Variants in SLX4 observed in about 807,000 individuals in gnomAD.
SLX4 encodes the protein SLX4 structure-specific endonuclease subunit, also known as structure-specific endonuclease subunit SLX4.
Under a neutral mutation model 146.2 loss-of-function variants are expected in SLX4, and 112 were observed. The observed-to-expected ratio is 0.77, with a 90% CI of 0.66 to 0.90. SLX4 has a LOEUF of 0.90. Ranked by LOEUF, SLX4 falls within the 40% of genes least tolerant of loss-of-function variation. The pLI, the probability that SLX4 is intolerant of heterozygous loss-of-function variation, is 0.00. For missense variants in SLX4, 2,563 were observed against 2,392.7 expected, an observed-to-expected ratio of 1.07 and a Z score of -1.49; for synonymous variants, 1,061 against 997.7, an observed-to-expected ratio of 1.06 and a Z score of -1.20.
At position 3,608,757 on chromosome 16, in the gene SLX4, C is replaced by A; in HGVS notation, c.208G>T (p.Val70Leu). ...QRVKKHGIKE[V>L]SGERKTQKAA... ...TTTTGTGTCTTCCTTTCTCCTGACA[C>A]TTCCTTGATTCCATGTTTTTTCACC... Residue 70 changes from valine to leucine, a missense_variant, in exon 2 of 15, where the codon GTG (valine) becomes TTG (leucine). Transcript: ENST00000294008. The A allele has an allele frequency of 1.2e-6, 2 of 1,614,222 alleles. No homozygotes were observed. The highest frequency in any genetic ancestry group is 1.7e-6 in the Non-Finnish European group (2 of 1,180,038).
intron 3 of SLX4, among the ~76,000 whole-genome samples, chr16:3,604,264 G>T (rs2040759753): frequency 6.6e-6 from 1 of 150,556 alleles, no homozygotes. Context: ...AAAAGGAAAT[G>T]GGGGACTATT....
intron 5 of SLX4, among the ~76,000 whole-genome samples, chr16:3,600,213 G>A (rs943427486): frequency 6.6e-6 from 1 of 152,190 alleles, no homozygotes; most frequent in African/African-American, 2.4e-5. Context: ...TTGTGTTCCT[G>A]TGAGTCTAAT....
intron 11 of SLX4, among the ~76,000 whole-genome samples, 177 bp from the exon 12 acceptor site, chr16:3,591,487 G>A (rs562577448): frequency 1.3e-5 from 2 of 152,316 alleles, no homozygotes; most frequent in Non-Finnish European, 2.9e-5. Context: ...AGGCCACTTA[G>A]TTCCAGAAAC....
chr16:3,584,670 G>C (rs758898729), intron 13 of SLX4, 99 bp downstream of exon 13: 6 of 929,178 alleles, frequency 6.5e-6, no homozygotes, highest in Non-Finnish European at 1.1e-5. Context: ...CAGACCCAGA[G>C]ACCACACGGG....
intron 3 of SLX4, 82 bp from the exon 4 acceptor site, chr16:3,602,389 A>T: frequency 1.3e-6 from 2 of 1,517,572 alleles, no homozygotes; most frequent in Non-Finnish European, 1.8e-6. Flanking sequence ...CAGCTCCTGC[A>T]GACCATGGGG....
chr16:3,594,632 C>A, intron 9 of SLX4, 33 bp from the exon 10 acceptor site: 1 of 1,613,582 alleles, frequency 6.2e-7, no homozygotes, highest in South Asian at 1.1e-5. Context: ...GCCGTCACCT[C>A]CCCACCTCTG....
At chr16:3,587,331 A>T (rs931173193) in intron 12 of SLX4, among the ~76,000 whole-genome samples, 1 of 152,078 alleles carries the variant, frequency 6.6e-6, no homozygotes, top group Non-Finnish European at 1.5e-5. Flanking sequence ...ACCCGACTCT[A>T]CTAAAAATAC....
At chr16:3,588,731 C>T (rs1218435867) in intron 12 of SLX4, among the ~76,000 whole-genome samples, 1 of 152,112 alleles carries the variant, frequency 6.6e-6, no homozygotes, top group Non-Finnish European at 1.5e-5. Context: ...GAGAAGGGTC[C>T]ACAGATGTGG....
chr16:3,583,345 C>T lies in SLX4; in HGVS notation c.4905G>A (p.Lys1635=). Reference sequence around the variant, plus strand: ...GGGCATGGACCCCTGCCCTTGAAGGCTTGTAGGTCTGGGAGGCGAGGGTCT... The same window carrying T: ...GGGCATGGACCCCTGCCCTTGAAGGTTTGTAGGTCTGGGAGGCGAGGGTCT... ...HCQTLASQTY[K]PSRAGVHAQQ... The change falls in exon 14 of 15, where the codon AAG becomes AAA. Residue 1635 remains lysine (K), a synonymous_variant. Transcript: ENST00000294008. 1 of 1,613,662 alleles carries T rather than the reference C, an allele frequency of 6.2e-7. No individual in the cohort carries two copies. The highest frequency in any genetic ancestry group is 8.5e-7 in the Non-Finnish European group (1 of 1,179,720).
intron 12 of SLX4, among the ~76,000 whole-genome samples, chr16:3,587,306 G>A (rs2040518673): frequency 6.6e-6 from 1 of 152,190 alleles, no homozygotes; most frequent in Non-Finnish European, 1.5e-5. Flanking sequence ...AGACCAGCCT[G>A]ATCAACATGG....
intron 11 of SLX4, among the ~76,000 whole-genome samples, chr16:3,591,827 C>T (rs549026225): frequency 6.6e-6 from 1 of 152,278 alleles, no homozygotes; most frequent in South Asian, 2.1e-4. Context: ...CACTGCCATC[C>T]AGCCTGGGCA....
At position 3,589,539 on chromosome 16, in the gene SLX4, C is replaced by T. The variant is rs17136464; in HGVS notation, c.4099G>A (p.Ala1367Thr). The change falls in exon 12 of 15, where the codon GCC becomes ACC. Residue 1367 changes from alanine to threonine, a missense_variant. Physicochemically the swap from Ala to Thr is moderately conservative, Grantham distance 58. Transcript: ENST00000294008. The surrounding 1 kb of genome is among the most constrained non-coding windows in gnomAD (Gnocchi z 6.2). ...LAPHPISGDR[A>T]HFSRRFLKHS... ...TTCAGGAACCGCCTGCTGAAGTGGG[C>T]GCGGTCCCCTGAGATGGGATGTGGA... is the stretch of plus-strand genomic sequence containing the variant. The T allele has an allele frequency of 7.5e-5, 120 of 1,610,298 alleles. No homozygotes were observed. The African/African-American group carries it at 1.5e-3, about 20-fold the overall frequency.
intron 5 of SLX4, among the ~76,000 whole-genome samples, chr16:3,599,208 A>G (rs1368765355): frequency 2.0e-5 from 3 of 152,196 alleles, no homozygotes; most frequent in Non-Finnish European, 4.4e-5. Context: ...TCCTCCACCA[A>G]GAGAATCCCC....
intron 7 of SLX4, among the ~76,000 whole-genome samples, chr16:3,596,908 C>G (rs549169863): frequency 6.6e-6 from 1 of 151,870 alleles, no homozygotes; most frequent in Non-Finnish European, 1.5e-5. Context: ...CTGCAACTTC[C>G]GCCTCCCCGG....
At chr16:3,600,027 G>A (rs747728998) in intron 5 of SLX4, among the ~76,000 whole-genome samples, 1 of 152,202 alleles carries the variant, frequency 6.6e-6, no homozygotes, top group African/African-American at 2.4e-5. Context: ...TGGTAAAGCA[G>A]TAGTCCCCAA....
At position 3,582,617 on chromosome 16, in the gene SLX4, G is replaced by GC. The variant is rs781479923; in HGVS notation, c.5229dup (p.Gln1744AlafsTer34). ...GTGTCCGCCGCCTGCACGGCTGCCTGCGAGGCACTGACCTCCCCCTCGCCC... is the reference window on the plus strand; with the variant it reads ...GTGTCCGCCGCCTGCACGGCTGCCTGCCGAGGCACTGACCTCCCCCTCGCCC... On this transcript the variant is annotated frameshift_variant, in exon 15 of 15. Transcript: ENST00000294008. LOFTEE classifies it low-confidence loss of function (END_TRUNC). The GC allele has an allele frequency of 1.9e-6, 3 of 1,613,532 alleles. No individual in the cohort carries two copies. The highest frequency in any genetic ancestry group is 2.5e-6 in the Non-Finnish European group (3 of 1,180,038).
intron 4 of SLX4, chr16:3,601,763 C>A: frequency 2.9e-6 from 1 of 340,188 alleles, no homozygotes; most frequent in South Asian, 2.7e-5. Context: ...TCGGCAAATC[C>A]ATCCAGACAG....
intron 8 of SLX4, among the ~76,000 whole-genome samples, 168 bp from the exon 9 acceptor site, chr16:3,595,861 C>T (rs2040646598): frequency 6.6e-6 from 1 of 152,224 alleles, no homozygotes; most frequent in Non-Finnish European, 1.5e-5. Context: ...GTCTCACCAC[C>T]ACTCCACCAG....
At chr16:3,582,783 G>A (rs553927861) in intron 14 of SLX4, 90 bp from the exon 15 acceptor site, 25 of 1,225,268 alleles carry the variant, frequency 2.0e-5, no homozygotes, top group African/African-American at 1.5e-4. Flanking sequence ...AGGTGTCTAC[G>A]GGTCCCATGG....
Sources: gnomAD v4.1 joint callset for allele counts (sites outside exome capture counted in the v4.1 genomes callset) on GRCh38, gnomAD v4.1.1 for gene constraint, Gnocchi (gnomAD v3.1) non-coding constraint, MANE v1.5 for transcripts, NCBI Gene and HGNC (gene_info 2026-07-23, HGNC 2026-07-21) for gene names.